Variants in UBE2V1 observed in about 807,000 individuals in gnomAD.
UBE2V1 encodes the protein ubiquitin conjugating enzyme E2 V1, also known as ubiquitin-conjugating enzyme E2 variant 1.
Under a neutral mutation model 19.6 loss-of-function variants are expected in UBE2V1, and 15 were observed. That is an observed-to-expected ratio of 0.77 (90% CI 0.51 to 1.18). The LOEUF is 1.18. Ranked by LOEUF, UBE2V1 falls within the 50% of genes most tolerant of loss-of-function variation. The probability of loss-of-function intolerance (pLI) is 0.00; values close to 1 mark genes in which losing one functional copy is unlikely to be tolerated. For missense variants in UBE2V1, 125 were observed against 184.8 expected, an observed-to-expected ratio of 0.68 and a Z score of 1.88; for synonymous variants, 60 against 60.7, an observed-to-expected ratio of 0.99 and a Z score of 0.05.
intron 2 of UBE2V1, among the ~76,000 whole-genome samples, chr20:50,092,410 GGGGAA>G (rs763020795): frequency 2.6e-5 from 4 of 152,190 alleles, no homozygotes; most frequent in Non-Finnish European, 5.9e-5. Context: ...CTGCTGGGAA[GGGGAA>G]GGGAGGATCA....
chr20:50,088,100 T>TAAAAAAAAAAAAAA (rs11302479), intron 2 of UBE2V1, among the ~76,000 whole-genome samples: 1 of 109,160 alleles, frequency 9.2e-6, no homozygotes. Context: ...GTCTAATCAT[T>TAAAAAAAAAAAAAA]AAAAAAAAAA....
intron 1 of UBE2V1, among the ~76,000 whole-genome samples, chr20:50,110,776 C>G (rs2080702278): frequency 2.6e-5 from 4 of 152,342 alleles, no homozygotes; most frequent in Admixed American, 2.0e-4. Flanking sequence ...TCCAACTCAT[C>G]TCCTTAACAA....
At position 50,111,433 on chromosome 20, in the gene UBE2V1, T is replaced by C. The variant is rs923453804; in HGVS notation, c.22+1674A>G. 10 of 1,000,210 alleles carry C rather than the reference T, an allele frequency of 1.0e-5. No individual in the cohort carries two copies. The Admixed American group carries it at 6.1e-4, about 61-fold the overall frequency. The allele number at this position is 1,000,210 out of a possible 1,614,324, so 62.0% of individuals were successfully genotyped here. A position where few individuals can be genotyped will look rare whatever the true frequency, so the allele number is the denominator to read the frequency against. ...CACCAGCACACTGGGCCCCTTCGTT[T>C]ATTACGACCCGGTAGGAGTGTTATT... On this transcript the variant is annotated intron_variant, in intron 1 of 3. Coordinates refer to ENST00000371674, the MANE Select transcript of UBE2V1 (RefSeq NM_001032288.3).
chr20:50,107,590 G>T (rs1038642363), intron 1 of UBE2V1, among the ~76,000 whole-genome samples: 2 of 152,190 alleles, frequency 1.3e-5, no homozygotes, highest in Non-Finnish European at 2.9e-5. Context: ...AAGGATAAGA[G>T]TTTCAGTTTT....
At chr20:50,091,118 C>T (rs560255735) in intron 2 of UBE2V1, among the ~76,000 whole-genome samples, 2 of 152,116 alleles carry the variant, frequency 1.3e-5, no homozygotes, top group South Asian at 4.1e-4. Flanking sequence ...ATGATCTTGG[C>T]CCACTGAAAC....
chr20:50,085,319 G>A (rs971002868), intron 2 of UBE2V1, among the ~76,000 whole-genome samples: 4 of 152,030 alleles, frequency 2.6e-5, no homozygotes, highest in Admixed American at 1.3e-4. Context: ...TCTGTTGCCC[G>A]GCTGTTCCTT....
At chr20:50,093,971 G>C (rs543910098) in intron 2 of UBE2V1, among the ~76,000 whole-genome samples, 7 of 100,378 alleles carry the variant, frequency 7.0e-5, no homozygotes, top group African/African-American at 2.8e-4. Context: ...CTGGGAGACA[G>C]AGCGAGACTC....
intron 1 of UBE2V1, among the ~76,000 whole-genome samples, chr20:50,107,655 C>T (rs1208081929): frequency 3.3e-5 from 5 of 152,170 alleles, no homozygotes; most frequent in Non-Finnish European, 7.3e-5. Flanking sequence ...ATTGTTTCTC[C>T]ACAAATTGTC....
upstream of UBE2V1, chr20:50,115,474 G>A (rs2080982995): frequency 1.3e-6 from 2 of 1,562,296 alleles, no homozygotes; most frequent in Non-Finnish European, 1.7e-6. Flanking sequence ...GGGTTCCTAA[G>A]GTGGACTCAC....
chr20:50,102,142 T>G (rs1449338978), intron 1 of UBE2V1, among the ~76,000 whole-genome samples: 1 of 152,094 alleles, frequency 6.6e-6, no homozygotes, highest in Non-Finnish European at 1.5e-5. Context: ...TGACCGAACA[T>G]GTGGCATCAA....
chr20:50,109,642 A>G (rs1464727351), intron 1 of UBE2V1, among the ~76,000 whole-genome samples: 2 of 151,276 alleles, frequency 1.3e-5, no homozygotes, highest in Non-Finnish European at 2.9e-5. Flanking sequence ...CCAGCTACTC[A>G]GGAGGCTGAG....
At chr20:50,084,421 C>G (rs775115310) in intron 2 of UBE2V1, 167 bp from the exon 3 acceptor site, 1 of 1,246,240 alleles carries the variant, frequency 8.0e-7, no homozygotes, top group Non-Finnish European at 1.1e-6. Flanking sequence ...AGTTCCTACA[C>G]TAGTTTATAT....
chr20:50,111,655 G>A, intron 1 of UBE2V1: 1 of 933,830 alleles, frequency 1.1e-6, no homozygotes, highest in South Asian at 5.0e-5. Context: ...AGCTTGTGGT[G>A]GGTCACTTCA....
At chr20:50,092,654 C>T (rs1399924489) in intron 2 of UBE2V1, among the ~76,000 whole-genome samples, 3 of 152,196 alleles carry the variant, frequency 2.0e-5, no homozygotes, top group South Asian at 2.1e-4. Flanking sequence ...CCATGTCTAA[C>T]GCTGTGGACA....
At chr20:50,112,653 G>C (rs553738633) in intron 1 of UBE2V1, among the ~76,000 whole-genome samples, 1 of 152,268 alleles carries the variant, frequency 6.6e-6, no homozygotes, top group African/African-American at 2.4e-5. Flanking sequence ...CCAGCCTGAA[G>C]GGCTTCTCTG....
intron 1 of UBE2V1, among the ~76,000 whole-genome samples, chr20:50,106,358 C>G (rs1397866386): frequency 6.6e-6 from 1 of 152,196 alleles, no homozygotes; most frequent in South Asian, 2.1e-4. Flanking sequence ...GAGCTTTACA[C>G]CATGCCACAG....
chr20:50,083,096 C>G (rs770016290), intron 3 of UBE2V1, among the ~76,000 whole-genome samples, 182 bp from the exon 4 acceptor site: 1 of 152,206 alleles, frequency 6.6e-6, no homozygotes, highest in Non-Finnish European at 1.5e-5. Flanking sequence ...AGTCAGCCTG[C>G]CTTTCCCTTT....
chr20:50,081,686 C>T lies in UBE2V1; in HGVS notation c.*1082G>A, dbSNP rs1280434152. On this transcript the variant is annotated 3_prime_UTR_variant, in exon 4 of 4. Coordinates refer to ENST00000371674, the MANE Select transcript of UBE2V1 (RefSeq NM_001032288.3). ...CTTCTTCAATTTTTAAAAGCAAAAG[C>T]AGTTACAGGAAAGTAAAACAATTCA... 5.2e-6 allele frequency: 1 copy of T among 193,594 alleles called. No homozygotes were observed. Among genetic ancestry groups the T allele is most frequent in the Non-Finnish European group, 1.0e-5 (1 of 95,314 alleles). 12.0% of individuals were successfully genotyped at this position (193,594 alleles called of 1,614,324 possible). A position where few individuals can be genotyped will look rare whatever the true frequency, so the allele number is the denominator to read the frequency against.
intron 2 of UBE2V1, chr20:50,084,832 T>C (rs1238264608): frequency 9.1e-6 from 2 of 220,542 alleles, no homozygotes; most frequent in African/African-American, 4.7e-5. Flanking sequence ...TTTTTTTTGG[T>C]AGTCTGACCT....
Sources: gnomAD v4.1 joint callset for allele counts (sites outside exome capture counted in the v4.1 genomes callset) on GRCh38, gnomAD v4.1.1 for gene constraint, MANE v1.5 for transcripts, NCBI Gene and HGNC (gene_info 2026-07-23, HGNC 2026-07-21) for gene names.